TRIM38: variants seen among roughly 807,000 people sequenced by gnomAD.
TRIM38 encodes tripartite motif containing 38, also known as E3 ubiquitin-protein ligase TRIM38.
In TRIM38, 35 loss-of-function variants were observed where a neutral mutation model predicts 35.8. That is an observed-to-expected ratio of 0.98 (90% CI 0.75 to 1.30). The LOEUF (loss-of-function observed/expected upper bound fraction) is 1.30, where lower values mean the gene tolerates loss of function less well. Among genes scored for constraint, TRIM38 ranks in the 50% most tolerant of loss-of-function variants. TRIM38 has a pLI of 0.00. For synonymous variants in TRIM38, 198 were observed against 204.7 expected, an observed-to-expected ratio of 0.97 and a Z score of 0.28; for missense variants, 545 against 556.9, an observed-to-expected ratio of 0.98 and a Z score of 0.21.
chr6:25,988,492 C>CTTTATTTTTTTTT lies in TRIM38; in HGVS notation c.*4808_*4809insATTTTTTTTTTTT, dbSNP rs1259308684. On this transcript the variant is annotated 3_prime_UTR_variant, in exon 8 of 8. Transcript: ENST00000357085. ...TCTTTTTCTTTTTCTTTTTTCTTTT[C>CTTTATTTTTTTTT]TTTCTTTTTTTTTTTTTTTTTGAGA... 3.3e-5 allele frequency: 1 copy of CTTTATTTTTTTTT among 30,144 alleles called. No homozygotes were observed. Among genetic ancestry groups the CTTTATTTTTTTTT allele is most frequent in the Non-Finnish European group, 5.6e-5 (1 of 17,852 alleles). 1.9% of individuals were successfully genotyped at this position (30,144 alleles called of 1,614,324 possible). A position where few individuals can be genotyped will look rare whatever the true frequency, so the allele number is the denominator to read the frequency against.
At position 25,989,713 on chromosome 6, in the gene TRIM38, A is replaced by G. The variant is rs910404268; in HGVS notation, c.*6026A>G. The G allele has an allele frequency of 3.3e-5, 5 of 151,998 alleles. No homozygotes were observed. The highest frequency in any genetic ancestry group is 1.2e-4 in the African/African-American group (5 of 41,418). The allele number at this position is 151,998 out of a possible 1,614,324, so 9.4% of individuals were successfully genotyped here. On this transcript the variant is annotated 3_prime_UTR_variant, in exon 8 of 8. Transcript: ENST00000357085. ...ATCTTTCACTTTTTGAAAACAAAAA[A>G]TAGTTTTTTTCTCATAGTTTTCTAA...
At chr6:25,980,584 C>A (rs1191725675) in intron 7 of TRIM38, among the ~76,000 whole-genome samples, 1 of 152,124 alleles carries the variant, frequency 6.6e-6, no homozygotes, top group Non-Finnish European at 1.5e-5. Flanking sequence ...CAATGCCCAG[C>A]TAATTGTTGT....
At chr6:25,983,082 A>C in intron 7 of TRIM38, 82 bp from the exon 8 acceptor site, 1 of 1,396,468 alleles carries the variant, frequency 7.2e-7, no homozygotes, top group Admixed American at 2.4e-5. Flanking sequence ...GCAACACTCC[A>C]TCTCAAAATA....
rs1232684649 is a variant in TRIM38, at chr6:25,983,470, T to G, written c.1181T>G (p.Val394Gly). 2 of 1,614,004 alleles carry G rather than the reference T, an allele frequency of 1.2e-6. No individual in the cohort carries two copies. The highest frequency in any genetic ancestry group is 1.7e-6 in the Non-Finnish European group (2 of 1,180,030). Residue 394 changes from valine (V) to glycine (G), a missense_variant, in exon 8 of 8, where the codon GTA becomes GGA. Physicochemically the swap from Val to Gly is moderately radical, Grantham distance 109. Transcript: ENST00000357085. ...AGGCTGTGCAAAAAGAAAGGCTATGTAGCACTTACTTCTCCCCCAACTTCC... is the reference window on the plus strand; with the variant it reads ...AGGCTGTGCAAAAAGAAAGGCTATGGAGCACTTACTTCTCCCCCAACTTCC... Reference protein sequence around the residue: ...TLRLCKKKGYVALTSPPTSLH... With the variant: ...TLRLCKKKGYGALTSPPTSLH...
intron 3 of TRIM38, among the ~76,000 whole-genome samples, chr6:25,968,117 ATGT>A (rs1760119577): frequency 6.6e-6 from 1 of 152,182 alleles, no homozygotes; most frequent in Non-Finnish European, 1.5e-5. Context: ...TTTGAGGAAA[ATGT>A]TGTCTCCAGT....
chr6:25,981,162 G>T (rs1464991935), intron 7 of TRIM38, among the ~76,000 whole-genome samples: 1 of 152,214 alleles, frequency 6.6e-6, no homozygotes, highest in African/African-American at 2.4e-5. Flanking sequence ...ATACTAGAGT[G>T]TGCCCAGAGG....
intron 7 of TRIM38, among the ~76,000 whole-genome samples, chr6:25,980,028 T>C (rs1015865658): frequency 6.6e-6 from 1 of 152,228 alleles, no homozygotes; most frequent in Non-Finnish European, 1.5e-5. Context: ...ATCTGTGTAA[T>C]ACAGATTTAT....
At chr6:25,966,273 C>A in intron 2 of TRIM38, 62 bp from the exon 3 acceptor site, 1 of 420,696 alleles carries the variant, frequency 2.4e-6, no homozygotes, top group South Asian at 6.4e-5. Context: ...TGAAACTCTG[C>A]ACTTGGGTTG....
At chr6:25,973,752 C>G in intron 7 of TRIM38, 1 of 985,330 alleles carries the variant, frequency 1.0e-6, no homozygotes, top group Non-Finnish European at 1.2e-6. Context: ...AGTATGATAA[C>G]CTATCATTCA....
chr6:25,983,707 T>C lies in TRIM38; in HGVS notation c.*20T>C, dbSNP rs1760636610. On this transcript the variant is annotated 3_prime_UTR_variant, in exon 8 of 8. Transcript: ENST00000357085. ...GACTAAGGAAAAGAGCAGAAGCTCC[T>C]TGGTTTAACCAGCACAGAGAAAATA... 6.5e-7 allele frequency: 1 copy of C among 1,548,984 alleles called. No homozygotes were observed. Among genetic ancestry groups the C allele is most frequent in the Non-Finnish European group, 8.7e-7 (1 of 1,153,738 alleles).
In TRIM38 at chr6:25,985,906, A is replaced by G. The variant is rs1760694878; in HGVS notation, c.*2219A>G. ...AAGAAAGAATGATAATAAAATAAAC[A>G]ATTAAATAAAAGTTTTAAAAAATGA... On this transcript the variant is annotated 3_prime_UTR_variant, in exon 8 of 8. Transcript: ENST00000357085. 1 of 152,198 alleles carries G rather than the reference A, an allele frequency of 6.6e-6. No homozygotes were observed. Among genetic ancestry groups the G allele is most frequent in the Non-Finnish European group, 1.5e-5 (1 of 68,034 alleles). The allele number at this position is 152,198 out of a possible 1,614,324, so 9.4% of individuals were successfully genotyped here. A position where few individuals can be genotyped will look rare whatever the true frequency, so the allele number is the denominator to read the frequency against.
At chr6:25,979,161 G>T (rs1760479960) in intron 7 of TRIM38, among the ~76,000 whole-genome samples, 2 of 151,860 alleles carry the variant, frequency 1.3e-5, no homozygotes, top group African/African-American at 4.8e-5. Context: ...CATATAATAT[G>T]TATAGTTGCA....
Position 25,988,229 on chromosome 6 carries a change from T to C in TRIM38, c.*4542T>C, listed in dbSNP as rs1056827382. The C allele has an allele frequency of 6.6e-6, 1 of 152,220 alleles. No homozygotes were observed. The highest frequency in any genetic ancestry group is 1.5e-5 in the Non-Finnish European group (1 of 68,056). The allele number at this position is 152,220 out of a possible 1,614,324, so 9.4% of individuals were successfully genotyped here. A position where few individuals can be genotyped will look rare whatever the true frequency, so the allele number is the denominator to read the frequency against. On this transcript the variant is annotated 3_prime_UTR_variant, in exon 8 of 8. Transcript: ENST00000357085. ...GCTGCTACTCTGGGCACATTACTTA[T>C]GGGTTAGCCCTGCTCAGCAAGGAGC...
intron 7 of TRIM38, among the ~76,000 whole-genome samples, chr6:25,980,678 C>G (rs1378294406): frequency 6.6e-6 from 1 of 152,200 alleles, no homozygotes; most frequent in African/African-American, 2.4e-5. Context: ...GCCTTGGCCT[C>G]CCAAAGTGCT....
chr6:25,969,527 T>A, intron 4 of TRIM38, 107 bp downstream of exon 4: 1 of 912,280 alleles, frequency 1.1e-6, no homozygotes, highest in Non-Finnish European at 1.6e-6. Context: ...CTAAACCAGA[T>A]TGAAAAAATG....
chr6:25,987,353 C>G lies in TRIM38; in HGVS notation c.*3666C>G, dbSNP rs1329216772. ...CACTGTTCTGAGGTCTGAGTTGATTCTTTGTGAAGGCCCTTTCCTAGCTTG... is the reference window on the plus strand; with the variant it reads ...CACTGTTCTGAGGTCTGAGTTGATTGTTTGTGAAGGCCCTTTCCTAGCTTG... On this transcript the variant is annotated 3_prime_UTR_variant, in exon 8 of 8. Coordinates refer to ENST00000357085, the MANE Select transcript of TRIM38 (RefSeq NM_006355.5). The G allele has an allele frequency of 6.6e-6, 1 of 152,144 alleles. No homozygotes were observed. Among genetic ancestry groups the G allele is most frequent in the African/African-American group, 2.4e-5 (1 of 41,414 alleles). 9.4% of individuals were successfully genotyped at this position (152,144 alleles called of 1,614,324 possible).
Position 25,983,550 on chromosome 6 carries a change from G to C in TRIM38, c.1261G>C (p.Gly421Arg), listed in dbSNP as rs10317. The change falls in exon 8 of 8, where the codon GGA (glycine) becomes CGA (arginine). Residue 421 changes from glycine (G) to arginine (R), a missense_variant. Coordinates refer to ENST00000357085, the MANE Select transcript of TRIM38 (RefSeq NM_006355.5). ...LVGIFLDYEA[G>R]VVSFYNGNTG... ...GGGAATTTTTCTGGACTATGAGGCC[G>C]GAGTTGTATCCTTTTATAACGGGAA... 6.2e-7 allele frequency: 1 copy of C among 1,614,020 alleles called. No homozygotes were observed. Among genetic ancestry groups the C allele is most frequent in the Non-Finnish European group, 8.5e-7 (1 of 1,180,016 alleles).
intron 4 of TRIM38, among the ~76,000 whole-genome samples, chr6:25,970,865 A>T (rs759535896): frequency 1.3e-5 from 2 of 152,220 alleles, no homozygotes; most frequent in Non-Finnish European, 2.9e-5. Context: ...ATTAATTTAG[A>T]CAGCACTAAT....
rs770296747 is a variant in TRIM38 at position 25,983,220 on chromosome 6, C to G, written c.931C>G (p.Arg311Gly). ...TCACGAACTAATTCTCTCTGAGGAT[C>G]GGAGACAAGTGACTCGTGGATACAC... ...AHHELILSED[R>G]RQVTRGYTQE... The change falls in exon 8 of 8, where the codon CGG becomes GGG. Residue 311 changes from arginine to glycine, a missense_variant. Physicochemically the swap from Arg to Gly is moderately radical, Grantham distance 125. Transcript: ENST00000357085. 6.2e-7 allele frequency: 1 copy of G among 1,613,152 alleles called. No homozygotes were observed. Among genetic ancestry groups the G allele is most frequent in the Non-Finnish European group, 8.5e-7 (1 of 1,179,554 alleles).
Sources: allele counts gnomAD v4.1 joint callset (sites outside exome capture counted in the v4.1 genomes callset), GRCh38; gene constraint gnomAD v4.1.1; transcripts MANE v1.5; gene names NCBI Gene and HGNC (gene_info 2026-07-23, HGNC 2026-07-21).